LDHD: variants seen among roughly 807,000 people sequenced by gnomAD.
The protein encoded by LDHD is D-lactate dehydrogenase, mitochondrial.
Under a neutral mutation model 52.9 loss-of-function variants are expected in LDHD, and 58 were observed. The observed-to-expected ratio is 1.10, with a 90% CI of 0.89 to 1.36. The LOEUF (loss-of-function observed/expected upper bound fraction) is 1.36. Ranked by LOEUF, LDHD falls within the 40% of genes most tolerant of loss-of-function variation. The pLI is 0.00. For missense variants in LDHD, 747 were observed against 668.0 expected (o/e 1.12, Z -1.30); for synonymous variants, 350 against 288.6 (o/e 1.21, Z -2.16).
intron 1 of LDHD, 159 bp downstream of exon 1, chr16:75,116,490 C>A: frequency 1.7e-6 from 1 of 601,726 alleles, no homozygotes; most frequent in South Asian, 2.0e-5. Context: ...CACTCTACAC[C>A]CACCCACAGT....
Position 75,113,733 on chromosome 16 carries a change from C to T in LDHD, c.958+9G>A. ...GCCCACCCTGCTGCCCCACTCCACC[C>T]CAGCATACCTGTGCGCTGCAGCTGC... is the stretch of plus-strand genomic sequence containing the variant. On this transcript the variant is annotated intron_variant, in intron 7 of 10. Transcript: ENST00000450168. The T allele has an allele frequency of 6.2e-7, 1 of 1,613,408 alleles. No individual in the cohort carries two copies. Among genetic ancestry groups the T allele is most frequent in the Non-Finnish European group, 8.5e-7 (1 of 1,179,812 alleles).
chr16:75,113,085 C>T (rs1055262371), intron 8 of LDHD, among the ~76,000 whole-genome samples, 161 bp from the exon 9 acceptor site: 1 of 152,082 alleles, frequency 6.6e-6, no homozygotes, highest in Non-Finnish European at 1.5e-5. Flanking sequence ...CACCTCCCCC[C>T]GACACAACAC....
At chr16:75,113,359 C>T (rs1320534445) in intron 8 of LDHD, among the ~76,000 whole-genome samples, 176 bp downstream of exon 8, 4 of 152,214 alleles carry the variant, frequency 2.6e-5, no homozygotes, top group African/African-American at 4.8e-5. Flanking sequence ...TCCCTGTAGA[C>T]GGTATCTGAA....
intron 8 of LDHD, 76 bp downstream of exon 8, chr16:75,113,459 G>A (rs930246683): frequency 5.3e-6 from 8 of 1,501,146 alleles, no homozygotes; most frequent in Non-Finnish European, 7.1e-6. Flanking sequence ...GCTGCTCTGT[G>A]CAGTAGAGTG....
At position 75,114,104 on chromosome 16, in the gene LDHD, G is replaced by A. The variant is rs754168460; in HGVS notation, c.691C>T (p.Leu231Phe). The A allele has an allele frequency of 6.2e-7, 1 of 1,612,240 alleles. No homozygotes were observed. The highest frequency in any genetic ancestry group is 1.3e-5 in the African/African-American group (1 of 74,930). Reference sequence around the variant, plus strand: ...AGGCGCAGGGTGGTGGCTGTGATGAGGCCCAGCGTCCCCTCGGAGCCCACG... The same window carrying A: ...AGGCGCAGGGTGGTGGCTGTGATGAAGCCCAGCGTCCCCTCGGAGCCCACG... ...LFVGSEGTLG[L>F]ITATTLRLHP... is the part of the protein sequence containing the mutation. The change falls in exon 6 of 11, where the codon CTC (leucine) becomes TTC (phenylalanine). Residue 231 changes from leucine (L) to phenylalanine (F), a missense_variant. Leu to Phe is a conservative substitution (Grantham distance 22, BLOSUM62 0). Transcript: ENST00000450168.
At position 75,112,935 on chromosome 16, in the gene LDHD, G is replaced by A. The variant is rs755855685; in HGVS notation, c.1087-11C>T. 1 of 1,604,592 alleles carries A rather than the reference G, an allele frequency of 6.2e-7. No individual in the cohort carries two copies. The highest frequency in any genetic ancestry group is 1.1e-5 in the South Asian group (1 of 90,598). ...ATCCGTGGAGTAGCCCTGGTCAGAG[G>A]GAAGCCTATGAGTTACCCCTGCCTG... On this transcript the variant is annotated splice_polypyrimidine_tract_variant and intron_variant, in intron 8 of 10. Transcript: ENST00000450168.
intron 8 of LDHD, 149 bp from the exon 9 acceptor site, chr16:75,113,073 C>T (rs1476919675): frequency 3.1e-6 from 2 of 654,026 alleles, no homozygotes; most frequent in African/African-American, 3.6e-5. Flanking sequence ...GGCCTCAGCC[C>T]TCACCTCCCC....
chr16:75,114,255 C>G, intron 5 of LDHD, 90 bp from the exon 6 acceptor site: 1 of 1,577,052 alleles, frequency 6.3e-7, no homozygotes, highest in Non-Finnish European at 8.6e-7. Context: ...AGACACCGAC[C>G]CCAGGCACTG....
Position 75,112,294 on chromosome 16 carries a change from A to G in LDHD, c.*62T>C. 1 of 1,533,844 alleles carries G rather than the reference A, an allele frequency of 6.5e-7. No individual in the cohort carries two copies. The highest frequency in any genetic ancestry group is 8.8e-7 in the Non-Finnish European group (1 of 1,132,100). ...TTTCCTTGCAGGGGCCGTGGCATGA[A>G]GAAAAGTTCCAGAACCGGCTCCGTA... On this transcript the variant is annotated 3_prime_UTR_variant, in exon 11 of 11. Coordinates refer to ENST00000450168, the MANE Select transcript of LDHD (RefSeq NM_194436.3).
In LDHD at chr16:75,112,529, CAGGA is replaced by C; in HGVS notation, c.1290-12_1290-9del. On this transcript the variant is annotated splice_polypyrimidine_tract_variant and intron_variant, in intron 10 of 10. Coordinates refer to ENST00000450168, the MANE Select transcript of LDHD (RefSeq NM_194436.3). ...TGGAGAGCCAGTGCCCGCCTGGGGG[CAGGA>C]AGGAGACATCCTCAGGGGGCTCCCT... 6.2e-7 allele frequency: 1 copy of C among 1,612,996 alleles called. No individual in the cohort carries two copies. The highest frequency in any genetic ancestry group is 1.1e-5 in the South Asian group (1 of 91,054).
Position 75,113,824 on chromosome 16 carries a change from C to G in LDHD, c.876G>C (p.Lys292Asn), listed in dbSNP as rs745578747. 2 of 1,614,128 alleles carry G rather than the reference C, an allele frequency of 1.2e-6. No homozygotes were observed. The highest frequency in any genetic ancestry group is 2.2e-5 in the South Asian group (2 of 91,090). Residue 292 changes from lysine (K) to asparagine (N), a missense_variant, in exon 7 of 11, where the codon AAG (lysine) becomes AAC (asparagine). Lys to Asn is a moderately conservative substitution (Grantham distance 94). Transcript: ENST00000450168. The part of the protein sequence containing the change: ...VMMDACNRYS[K>N]LNCLVAPTLF... Reference sequence around the variant, plus strand: ...GTGTGGGCGCCACTAAGCAATTCAGCTTGCTGTACCTGTTGCAGGCATCCA... The same window carrying G: ...GTGTGGGCGCCACTAAGCAATTCAGGTTGCTGTACCTGTTGCAGGCATCCA...
rs112523356 is a variant in LDHD, at chr16:75,114,024, C to T, written c.771G>A (p.Gln257=). The part of the protein sequence containing the change: ...VAATCAFPSV[Q]AAVDSTVHIL... ...TGTGTACAGTGCTGTCCACAGCAGC[C>T]TGGACACTGGGGAACGCACACGTGG... The change falls in exon 6 of 11, where the codon CAG becomes CAA. Residue 257 remains glutamine (Q), a synonymous_variant. Coordinates refer to ENST00000450168, the MANE Select transcript of LDHD (RefSeq NM_194436.3). 66 of 1,608,636 alleles carry T rather than the reference C, an allele frequency of 4.1e-5. No individual in the cohort carries two copies. The Middle Eastern group carries it at 8.2e-4, about 20-fold the overall frequency.
At chr16:75,115,050 C>G in intron 3 of LDHD, 82 bp from the exon 4 acceptor site, 1 of 1,540,390 alleles carries the variant, frequency 6.5e-7, no homozygotes. Context: ...CGCGGGTGTC[C>G]CCCCAGCAGC....
At position 75,111,945 on chromosome 16, in the gene LDHD, C is replaced by G. The variant is rs147807563; in HGVS notation, c.*411G>C. On this transcript the variant is annotated 3_prime_UTR_variant, in exon 11 of 11. Coordinates refer to ENST00000450168, the MANE Select transcript of LDHD (RefSeq NM_194436.3). ...CCTATCATCATGTCACGGGAGCTCA[C>G]GTTCCATACCAGGAAAGGAGTGTTC... The G allele has an allele frequency of 1.8e-5, 3 of 170,410 alleles. No individual in the cohort carries two copies. The highest frequency in any genetic ancestry group is 3.7e-5 in the Non-Finnish European group (3 of 80,260). The allele number at this position is 170,410 out of a possible 1,614,324, so 10.6% of individuals were successfully genotyped here.
rs149623616 is a variant in LDHD at position 75,112,610 on chromosome 16, C to T, written c.1281G>A (p.Gln427=). 6.2e-7 allele frequency: 1 copy of T among 1,614,132 alleles called. No individual in the cohort carries two copies. Among genetic ancestry groups the T allele is most frequent in the Non-Finnish European group, 8.5e-7 (1 of 1,180,016 alleles). ...ELGRVKAFAE[Q]LGRRALALHG... Reference sequence around the variant, plus strand: ...CCTGGCTTTGCTCCTACCTGCCCAGCTGTTCTGCAAAAGCCTTGACCCTGC... The same window carrying T: ...CCTGGCTTTGCTCCTACCTGCCCAGTTGTTCTGCAAAAGCCTTGACCCTGC... The change falls in exon 10 of 11, where the codon CAG becomes CAA. Residue 427 remains glutamine (Q), a synonymous_variant. Coordinates refer to ENST00000450168, the MANE Select transcript of LDHD (RefSeq NM_194436.3).
Position 75,112,599 on chromosome 16 carries a change from T to C in LDHD, c.1289+3A>G. ...CTCTTCCCCTCCCTGGCTTTGCTCC[T>C]ACCTGCCCAGCTGTTCTGCAAAAGC... On this transcript the variant is annotated splice_donor_region_variant and intron_variant, in intron 10 of 10. Transcript: ENST00000450168. 1.2e-6 allele frequency: 2 copies of C among 1,614,066 alleles called. No individual in the cohort carries two copies. The highest frequency in any genetic ancestry group is 2.2e-5 in the South Asian group (2 of 91,086).
intron 4 of LDHD, 36 bp from the exon 5 acceptor site, chr16:75,114,721 C>T: frequency 3.9e-6 from 6 of 1,544,702 alleles, no homozygotes; most frequent in Non-Finnish European, 5.3e-6. Flanking sequence ...CCTCAGGGAC[C>T]GGAGGTCCTT....
At chr16:75,116,548 G>T in intron 1 of LDHD, 101 bp downstream of exon 1, 3 of 964,928 alleles carry the variant, frequency 3.1e-6, no homozygotes, top group Non-Finnish European at 4.8e-6. Flanking sequence ...CAGGTCACTT[G>T]GTGCTGGGGC....
In LDHD at chr16:75,114,029, C is replaced by T; in HGVS notation, c.766G>A (p.Val256Ile). 6.2e-7 allele frequency: 1 copy of T among 1,608,934 alleles called. No individual in the cohort carries two copies. The highest frequency in any genetic ancestry group is 1.3e-5 in the African/African-American group (1 of 75,052). The change falls in exon 6 of 11, where the codon GTC (valine) becomes ATC (isoleucine). Residue 256 changes from valine (V) to isoleucine (I), a missense_variant. Coordinates refer to ENST00000450168, the MANE Select transcript of LDHD (RefSeq NM_194436.3). ...ACAGTGCTGTCCACAGCAGCCTGGACACTGGGGAACGCACACGTGGCGGCC... is the reference window on the plus strand; with the variant it reads ...ACAGTGCTGTCCACAGCAGCCTGGATACTGGGGAACGCACACGTGGCGGCC... Reference protein sequence around the residue: ...TVAATCAFPSVQAAVDSTVHI... With the variant: ...TVAATCAFPSIQAAVDSTVHI...
Sources: gnomAD v4.1 joint callset for allele counts (sites outside exome capture counted in the v4.1 genomes callset) on GRCh38, gnomAD v4.1.1 for gene constraint, MANE v1.5 for transcripts, NCBI Gene and HGNC (gene_info 2026-07-23, HGNC 2026-07-21) for gene names.